Variants in MTUS2 observed in about 807,000 individuals in gnomAD.
MTUS2 encodes microtubule associated scaffold protein 2.
A neutral mutation model predicts 114.1 loss-of-function variants in MTUS2; 40 were observed. The observed-to-expected ratio is 0.35, with a 90% CI of 0.27 to 0.46. MTUS2 has a LOEUF of 0.46. MTUS2 is among the 20% of genes least tolerant of loss of function. MTUS2 has a pLI of 1.00. For synonymous variants in MTUS2, 688 were observed against 672.0 expected, an observed-to-expected ratio of 1.02 and a Z score of -0.37; for missense variants, 1,679 against 1,705.4, an observed-to-expected ratio of 0.98 and a Z score of 0.27.
chr13:28,947,286 G>A (rs1882582198), intron 2 of MTUS2, among the ~76,000 whole-genome samples: 2 of 149,210 alleles, frequency 1.3e-5, no homozygotes, highest in Admixed American at 1.3e-4. Context: ...CTGGTGCTTA[G>A]TAGGTGCTTT....
At chr13:29,140,487 T>C (rs563315370) in intron 5 of MTUS2, among the ~76,000 whole-genome samples, 5 of 152,328 alleles carry the variant, frequency 3.3e-5, no homozygotes, top group African/African-American at 1.2e-4. Flanking sequence ...CAGAAATCAG[T>C]GCTAAATGCC....
chr13:28,943,910 C>T (rs1167610234), intron 2 of MTUS2, among the ~76,000 whole-genome samples: 1 of 152,096 alleles, frequency 6.6e-6, no homozygotes, highest in African/African-American at 2.4e-5. Flanking sequence ...AGACTTAATG[C>T]TTCTTTTTAA....
intron 2 of MTUS2, among the ~76,000 whole-genome samples, chr13:28,928,986 T>TA (rs1285466790): frequency 6.6e-6 from 1 of 152,196 alleles, no homozygotes; most frequent in Non-Finnish European, 1.5e-5. Flanking sequence ...ATTATTGAGT[T>TA]ACAGAAACAA....
intron 8 of MTUS2, among the ~76,000 whole-genome samples, chr13:29,363,326 A>G (rs1394305492): frequency 1.3e-5 from 2 of 152,088 alleles, no homozygotes; most frequent in African/African-American, 4.8e-5. Flanking sequence ...AGTATTTTTC[A>G]TATCTATTCT....
At chr13:29,022,880 C>G (rs1886352146) in intron 2 of MTUS2, among the ~76,000 whole-genome samples, 2 of 152,176 alleles carry the variant, frequency 1.3e-5, no homozygotes, top group Admixed American at 1.3e-4. Flanking sequence ...GCTGATCTTC[C>G]TCATCATTCA....
At chr13:29,108,739 G>C (rs141759821) in intron 5 of MTUS2, among the ~76,000 whole-genome samples, 26 of 152,226 alleles carry the variant, frequency 1.7e-4, no homozygotes, top group African/African-American at 6.0e-4. Flanking sequence ...CACAGGAAGG[G>C]GGAAGTATCC....
At chr13:29,071,683 C>T (rs916240421) in intron 4 of MTUS2, among the ~76,000 whole-genome samples, 2 of 151,990 alleles carry the variant, frequency 1.3e-5, no homozygotes, top group African/African-American at 4.8e-5. Flanking sequence ...GCTTTGGCCT[C>T]CCAAAGTGCT....
At chr13:29,389,325 G>GTGTATA (rs1566172322) in intron 8 of MTUS2, among the ~76,000 whole-genome samples, 2 of 78,440 alleles carry the variant, frequency 2.5e-5, no homozygotes, top group African/African-American at 4.1e-5. Flanking sequence ...ATACACATAT[G>GTGTATA]TGTGTATATA....
At chr13:29,049,250 T>A (rs1250915738) in intron 4 of MTUS2, among the ~76,000 whole-genome samples, 7 of 152,244 alleles carry the variant, frequency 4.6e-5, no homozygotes, top group Non-Finnish European at 2.9e-5. Flanking sequence ...TCCTTTTGTT[T>A]GCTTGCTATT....
chr13:29,216,574 G>T (rs1895690713), intron 5 of MTUS2, among the ~76,000 whole-genome samples: 1 of 152,314 alleles, frequency 6.6e-6, no homozygotes, highest in Non-Finnish European at 1.5e-5. Flanking sequence ...ATCTGGGCTG[G>T]ATAGCAGAGT....
At chr13:29,280,054 C>T (rs555509156) in intron 5 of MTUS2, among the ~76,000 whole-genome samples, 2 of 152,148 alleles carry the variant, frequency 1.3e-5, no homozygotes, top group Non-Finnish European at 2.9e-5. Flanking sequence ...AGTGGTTGAG[C>T]CATGCCCCAT....
At chr13:29,055,342 A>G (rs1033725774) in intron 4 of MTUS2, among the ~76,000 whole-genome samples, 1 of 152,110 alleles carries the variant, frequency 6.6e-6, no homozygotes, top group South Asian at 2.1e-4. Context: ...TGCTATTAAT[A>G]TAGTACTCTA....
chr13:29,372,469 T>C (rs77410078), intron 8 of MTUS2, among the ~76,000 whole-genome samples: 2,141 of 151,588 alleles, frequency 0.014, 21 homozygotes, highest in South Asian at 0.029. Context: ...GTAACAATTA[T>C]TATATGTTAA....
intron 5 of MTUS2, among the ~76,000 whole-genome samples, chr13:29,203,110 C>T (rs1895030877): frequency 6.6e-6 from 1 of 152,246 alleles, no homozygotes; most frequent in African/African-American, 2.4e-5. Context: ...GCTGCACCCA[C>T]AGCTGCCCCT....
At chr13:29,119,217 G>C (rs534823628) in intron 5 of MTUS2, among the ~76,000 whole-genome samples, 1 of 152,106 alleles carries the variant, frequency 6.6e-6, no homozygotes, top group Non-Finnish European at 1.5e-5. Flanking sequence ...CTGAATCTCA[G>C]TACATAGATA....
intron 4 of MTUS2, 125 bp from the exon 5 acceptor site, chr13:29,100,647 TC>T: frequency 8.6e-7 from 1 of 1,169,574 alleles, no homozygotes; most frequent in Non-Finnish European, 1.2e-6. Flanking sequence ...ATGTGTTGAA[TC>T]AAACCTTGCA....
chr13:28,940,954 G>A (rs760195554), intron 2 of MTUS2, among the ~76,000 whole-genome samples: 4 of 151,962 alleles, frequency 2.6e-5, no homozygotes, highest in Non-Finnish European at 5.9e-5. Context: ...AAAAAAGCTA[G>A]GGTAACTATA....
intron 5 of MTUS2, among the ~76,000 whole-genome samples, chr13:29,202,945 C>T (rs1895023325): frequency 6.6e-6 from 1 of 152,200 alleles, no homozygotes; most frequent in Admixed American, 6.5e-5. Context: ...TGTCTGTTGA[C>T]CCCTGCTGGG....
At chr13:29,290,581 C>A (rs1031240299) in intron 6 of MTUS2, among the ~76,000 whole-genome samples, 6 of 152,156 alleles carry the variant, frequency 3.9e-5, no homozygotes, top group Non-Finnish European at 8.8e-5. Context: ...CCGCCTGCCT[C>A]GGCCTCCCAA....
Sources: gnomAD v4.1 joint callset for allele counts (sites outside exome capture counted in the v4.1 genomes callset) on GRCh38, gnomAD v4.1.1 for gene constraint, MANE v1.5 for transcripts, NCBI Gene and HGNC (gene_info 2026-07-23, HGNC 2026-07-21) for gene names.